TGFBR3: variants seen among roughly 807,000 people sequenced by gnomAD.
The protein encoded by TGFBR3 is transforming growth factor beta receptor type 3.
In TGFBR3, 46 loss-of-function variants were observed where a neutral mutation model predicts 87.9. The ratio of observed to expected loss-of-function variants is 0.52; its 90% CI spans 0.41 to 0.67. TGFBR3 has a LOEUF of 0.67. Ranked by LOEUF, TGFBR3 falls within the 30% of genes least tolerant of loss-of-function variation. The probability of loss-of-function intolerance (pLI) is 0.00; values close to 1 mark genes in which losing one functional copy is unlikely to be tolerated. For synonymous variants in TGFBR3, 381 were observed against 391.6 expected (o/e 0.97, Z 0.32); for missense variants, 866 against 1,041.9 (o/e 0.83, Z 2.32).
Position 91,817,571 on chromosome 1 carries a change from G to A in TGFBR3, c.62-20100C>T, listed in dbSNP as rs533340730. On this transcript the variant is annotated intron_variant, in intron 2 of 16. Coordinates refer to ENST00000212355, the MANE Select transcript of TGFBR3 (RefSeq NM_003243.5). ...TTTTTAGGCCAGAAAGGATGCAAAC[G>A]TCTGAATTTCTGCAGTCACCTCCCT... 3.3e-5 allele frequency among the ~76,000 whole-genome samples: 5 copies of A among 152,254 alleles called. No individual in the cohort carries two copies. In the East Asian group the frequency reaches 5.8e-4, roughly 18 times the overall value.
chr1:91,849,008 A>G (rs1056962702), intron 2 of TGFBR3, among the ~76,000 whole-genome samples: 14 of 152,222 alleles, frequency 9.2e-5, no homozygotes, highest in African/African-American at 3.1e-4. Context: ...TGAGAAATAC[A>G]TCTTTATCCA....
intron 3 of TGFBR3, among the ~76,000 whole-genome samples, chr1:91,761,259 A>G (rs1673951697): frequency 6.6e-6 from 1 of 152,264 alleles, no homozygotes; most frequent in Non-Finnish European, 1.5e-5. Context: ...TCTATGAGAC[A>G]GATATTGGTG....
intron 2 of TGFBR3, among the ~76,000 whole-genome samples, chr1:91,853,633 C>G (rs954726793): frequency 1.3e-5 from 2 of 152,146 alleles, no homozygotes; most frequent in Admixed American, 6.6e-5. Flanking sequence ...CACAGATGAA[C>G]ATGGAGGACA....
intron 4 of TGFBR3, among the ~76,000 whole-genome samples, chr1:91,748,138 C>T (rs145625039): frequency 1.1e-4 from 16 of 152,294 alleles, no homozygotes; most frequent in Non-Finnish European, 2.2e-4. Context: ...GGAGGTGAGG[C>T]CTCTAGCCCG....
chr1:91,698,952 C>T (rs1244351671), intron 14 of TGFBR3, among the ~76,000 whole-genome samples: 1 of 151,626 alleles, frequency 6.6e-6, no homozygotes, highest in East Asian at 1.9e-4. Flanking sequence ...CCACTACCCT[C>T]CCCCCAATTA....
chr1:91,807,518 C>T lies in TGFBR3; in HGVS notation c.62-10047G>A, dbSNP rs574967781. 3.9e-5 allele frequency among the ~76,000 whole-genome samples: 6 copies of T among 152,266 alleles called. No individual in the cohort carries two copies. The South Asian group carries it at 1.0e-3, about 26-fold the overall frequency. On this transcript the variant is annotated intron_variant, in intron 2 of 16. Transcript: ENST00000212355. ...TGGAGCAACCATGTTGGAGAATTTCCTGTATTCAATTGTGTTTTCAAATGT... is the reference window on the plus strand; with the variant it reads ...TGGAGCAACCATGTTGGAGAATTTCTTGTATTCAATTGTGTTTTCAAATGT...
chr1:91,772,493 C>G (rs1354124746), intron 3 of TGFBR3, among the ~76,000 whole-genome samples: 2 of 152,050 alleles, frequency 1.3e-5, no homozygotes, highest in Admixed American at 6.6e-5. Flanking sequence ...GGTCATAGTC[C>G]CTCAATAAAC....
At chr1:91,786,772 AG>A (rs1187845923) in intron 3 of TGFBR3, among the ~76,000 whole-genome samples, 2 of 152,022 alleles carry the variant, frequency 1.3e-5, no homozygotes, top group Non-Finnish European at 2.9e-5. Context: ...ACAAAAAAAA[AG>A]AGGATGAGTA....
At chr1:91,882,078 TAATACGC>T (rs2101291740) in intron 1 of TGFBR3, among the ~76,000 whole-genome samples, 1 of 137,202 alleles carries the variant, frequency 7.3e-6, no homozygotes, top group South Asian at 2.4e-4. Flanking sequence ...AAATACTACA[TAATACGC>T]AAGAAACAAG....
At chr1:91,703,000 G>A (rs1342959911) in intron 14 of TGFBR3, among the ~76,000 whole-genome samples, 1 of 152,142 alleles carries the variant, frequency 6.6e-6, no homozygotes, top group African/African-American at 2.4e-5. Flanking sequence ...AGCCGAGATT[G>A]CGCCACTGCA....
At chr1:91,838,686 G>T (rs1364378049) in intron 2 of TGFBR3, among the ~76,000 whole-genome samples, 2 of 151,276 alleles carry the variant, frequency 1.3e-5, no homozygotes, top group African/African-American at 4.9e-5. Context: ...AGCCAGGATG[G>T]TCTTGATCTC....
rs756927927 is a variant in TGFBR3 at position 91,727,638 on chromosome 1, AG to A, written c.885+20del. 5 of 1,613,832 alleles carry A rather than the reference AG, an allele frequency of 3.1e-6. No homozygotes were observed. The African/African-American group carries it at 6.7e-5, about 22-fold the overall frequency. ...TTGTCATTTATCTAAACAAAACAAAAGACATGCTCCACCAACTTACAATAAT... is the reference window on the plus strand; with the variant it reads ...TTGTCATTTATCTAAACAAAACAAAAACATGCTCCACCAACTTACAATAAT... On this transcript the variant is annotated intron_variant, in intron 7 of 16. Coordinates refer to ENST00000212355, the MANE Select transcript of TGFBR3 (RefSeq NM_003243.5).
intron 4 of TGFBR3, among the ~76,000 whole-genome samples, chr1:91,748,517 T>G (rs1184711568): frequency 6.6e-6 from 1 of 152,150 alleles, no homozygotes; most frequent in Non-Finnish European, 1.5e-5. Context: ...AAGTCATGCA[T>G]AAAACACTTT....
chr1:91,753,849 T>A (rs1673645314), intron 4 of TGFBR3, among the ~76,000 whole-genome samples: 1 of 152,250 alleles, frequency 6.6e-6, no homozygotes, highest in Admixed American at 6.5e-5. Context: ...CACTCATCTG[T>A]TGGTAGACAT....
intron 3 of TGFBR3, among the ~76,000 whole-genome samples, chr1:91,796,878 T>G (rs942137008): frequency 6.6e-6 from 1 of 151,706 alleles, no homozygotes; most frequent in Non-Finnish European, 1.5e-5. Context: ...TACCACACCC[T>G]GCTAATTTTT....
At chr1:91,732,268 C>T (rs1672801500) in intron 5 of TGFBR3, among the ~76,000 whole-genome samples, 1 of 151,940 alleles carries the variant, frequency 6.6e-6, no homozygotes, top group Non-Finnish European at 1.5e-5. Context: ...AAGAGCAAAA[C>T]TCTTAAATTC....
intron 3 of TGFBR3, among the ~76,000 whole-genome samples, chr1:91,770,538 T>C (rs560365551): frequency 6.6e-6 from 1 of 152,310 alleles, no homozygotes; most frequent in East Asian, 1.9e-4. Context: ...TATTTATTAG[T>C]ATGATTAATT....
At chr1:91,808,437 G>C (rs1165536484) in intron 2 of TGFBR3, among the ~76,000 whole-genome samples, 1 of 152,166 alleles carries the variant, frequency 6.6e-6, no homozygotes, top group Non-Finnish European at 1.5e-5. Context: ...TTGGCCAACA[G>C]TTCTTCTGAT....
chr1:91,693,698 C>T (rs1671338675), intron 16 of TGFBR3, among the ~76,000 whole-genome samples: 1 of 152,100 alleles, frequency 6.6e-6, no homozygotes, highest in Non-Finnish European at 1.5e-5. Context: ...AGTGGCTGAG[C>T]AGGCACATGG....
Sources: gnomAD v4.1 joint callset for allele counts (sites outside exome capture counted in the v4.1 genomes callset) on GRCh38, gnomAD v4.1.1 for gene constraint, MANE v1.5 for transcripts, NCBI Gene and HGNC (gene_info 2026-07-23, HGNC 2026-07-21) for gene names.